Variants in KIAA1217 observed in about 807,000 individuals in gnomAD.
The protein encoded by KIAA1217 is sickle tail protein homolog.
KIAA1217 carries 88 observed loss-of-function variants against 163.9 expected under a neutral mutation model. That is an observed-to-expected ratio of 0.54 (90% CI 0.45 to 0.64). The LOEUF (loss-of-function observed/expected upper bound fraction) is 0.64, where lower values mean the gene tolerates loss of function less well. Ranked by LOEUF, KIAA1217 falls within the 30% of genes least tolerant of loss-of-function variation. The pLI is 0.00. For synonymous variants in KIAA1217, 903 were observed against 923.1 expected (o/e 0.98, Z 0.39); for missense variants, 2,372 against 2,475.0 (o/e 0.96, Z 0.88).
chr10:24,327,964 T>G (rs1204195427), intron 2 of KIAA1217, among the ~76,000 whole-genome samples: 1 of 152,156 alleles, frequency 6.6e-6, no homozygotes, highest in Non-Finnish European at 1.5e-5. Context: ...TATGCAGTCA[T>G]GCTTCACCCT....
intron 10 of KIAA1217, among the ~76,000 whole-genome samples, chr10:24,518,777 T>G (rs2070619068): frequency 6.6e-6 from 1 of 152,240 alleles, no homozygotes; most frequent in Non-Finnish European, 1.5e-5. Context: ...CCCGTGGGTG[T>G]GTTCACAGAA....
intron 2 of KIAA1217, among the ~76,000 whole-genome samples, chr10:24,270,272 C>T (rs574011591): frequency 6.6e-6 from 1 of 152,328 alleles, no homozygotes; most frequent in African/African-American, 2.4e-5. Context: ...TCACTGAACA[C>T]TGTCTCATCC....
At chr10:23,823,819 A>T (rs567528842) in intron 1 of KIAA1217, among the ~76,000 whole-genome samples, 1 of 152,278 alleles carries the variant, frequency 6.6e-6, no homozygotes, top group South Asian at 2.1e-4. Flanking sequence ...GGGAATATGA[A>T]ATCTAGAAGG....
chr10:23,888,877 C>T (rs1841300621), intron 1 of KIAA1217, among the ~76,000 whole-genome samples: 1 of 151,886 alleles, frequency 6.6e-6, no homozygotes, highest in Non-Finnish European at 1.5e-5. Context: ...TAGCAACCAA[C>T]CGATCTGACA....
chr10:24,050,952 G>A (rs1849459077), intron 2 of KIAA1217, among the ~76,000 whole-genome samples: 1 of 151,840 alleles, frequency 6.6e-6, no homozygotes, highest in African/African-American at 2.4e-5. Flanking sequence ...TTATTTTGGG[G>A]GAACAGTTAG....
In KIAA1217 at chr10:24,501,369, T is replaced by C; in HGVS notation, c.1835-10T>C. The C allele has an allele frequency of 6.2e-7, 1 of 1,601,332 alleles. No homozygotes were observed. Among genetic ancestry groups the C allele is most frequent in the Non-Finnish European group, 8.5e-7 (1 of 1,169,870 alleles). On this transcript the variant is annotated splice_polypyrimidine_tract_variant and intron_variant, in intron 8 of 20. Coordinates refer to ENST00000376454, the MANE Select transcript of KIAA1217 (RefSeq NM_019590.5). Reference sequence around the variant, plus strand: ...GGCCTTCTGAGTTCTCTGATGCACTTTTCTCATAGGAACGCCCCATGTGTC... The same window carrying C: ...GGCCTTCTGAGTTCTCTGATGCACTCTTCTCATAGGAACGCCCCATGTGTC...
At chr10:24,349,878 T>C (rs2048242523) in intron 2 of KIAA1217, among the ~76,000 whole-genome samples, 1 of 152,144 alleles carries the variant, frequency 6.6e-6, no homozygotes, top group Non-Finnish European at 1.5e-5. Flanking sequence ...TAAGCAGTAA[T>C]GAAAAGCTTG....
chr10:23,779,417 C>G (rs1835155429), intron 1 of KIAA1217, among the ~76,000 whole-genome samples: 1 of 152,194 alleles, frequency 6.6e-6, no homozygotes, highest in Admixed American at 6.5e-5. Flanking sequence ...CCTCTTTAAG[C>G]TAGCTATTAT....
intron 2 of KIAA1217, among the ~76,000 whole-genome samples, chr10:24,220,209 T>C (rs2069389612): frequency 6.6e-6 from 1 of 152,088 alleles, no homozygotes; most frequent in African/African-American, 2.4e-5. Context: ...CAAACACATC[T>C]AAACACATCT....
In KIAA1217 at chr10:24,543,925, C is replaced by T. The variant is rs1417674957; in HGVS notation, c.4655C>T (p.Pro1552Leu). The T allele has an allele frequency of 1.2e-6, 2 of 1,614,048 alleles. No homozygotes were observed. Among genetic ancestry groups the T allele is most frequent in the Non-Finnish European group, 1.7e-6 (2 of 1,180,010 alleles). ...ELNKFSHVDS[P>L]NSECKGEDAT... is the part of the protein sequence containing the mutation. ...AACAAGTTCAGCCACGTGGATTCTC[C>T]AAATTCGGAATGCAAGGGTGAGGAC... is the stretch of plus-strand genomic sequence containing the variant. Residue 1552 changes from proline (P) to leucine (L), a missense_variant, in exon 19 of 21, where the codon CCA becomes CTA. By Grantham distance (98) the Pro-to-Leu change is moderately conservative. Transcript: ENST00000376454.
intron 1 of KIAA1217, among the ~76,000 whole-genome samples, chr10:23,822,765 C>G (rs527461644): frequency 2.8e-4 from 42 of 152,194 alleles, no homozygotes; most frequent in African/African-American, 9.9e-4. Flanking sequence ...CAGAGTTTTT[C>G]CCACAGAGTT....
At chr10:24,247,685 C>T (rs2073981030) in intron 2 of KIAA1217, among the ~76,000 whole-genome samples, 1 of 151,978 alleles carries the variant, frequency 6.6e-6, no homozygotes, top group Non-Finnish European at 1.5e-5. Flanking sequence ...CCTGTAGTCC[C>T]AGCTACTCAG....
At chr10:24,269,475 G>A (rs2076570662) in intron 2 of KIAA1217, among the ~76,000 whole-genome samples, 1 of 152,172 alleles carries the variant, frequency 6.6e-6, no homozygotes, top group Non-Finnish European at 1.5e-5. Context: ...TGTGAGCCAT[G>A]ACCGTGCCAC....
intron 2 of KIAA1217, among the ~76,000 whole-genome samples, chr10:24,175,027 T>TC (rs1194677126): frequency 6.6e-6 from 1 of 151,212 alleles, no homozygotes; most frequent in Non-Finnish European, 1.5e-5. Flanking sequence ...TGGCTAATTT[T>TC]TTTTTTTTAT....
chr10:24,432,826 A>C (rs2059710469), intron 3 of KIAA1217, among the ~76,000 whole-genome samples, 169 bp from the exon 4 acceptor site: 1 of 152,188 alleles, frequency 6.6e-6, no homozygotes, highest in Non-Finnish European at 1.5e-5. Flanking sequence ...TACTTACACA[A>C]TAACCAAACA....
chr10:23,696,443 G>C (rs1417366846), intron 1 of KIAA1217, among the ~76,000 whole-genome samples: 1 of 152,250 alleles, frequency 6.6e-6, no homozygotes, highest in Non-Finnish European at 1.5e-5. Flanking sequence ...ACACTTCGGA[G>C]AGAGAGGGAG....
chr10:23,815,044 C>T (rs937646564), intron 1 of KIAA1217, among the ~76,000 whole-genome samples: 1 of 152,166 alleles, frequency 6.6e-6, no homozygotes. Flanking sequence ...TCTCTAACTA[C>T]ATCTTTCCAA....
At chr10:24,061,943 T>A (rs1310051132) in intron 2 of KIAA1217, among the ~76,000 whole-genome samples, 1 of 152,150 alleles carries the variant, frequency 6.6e-6, no homozygotes, top group Non-Finnish European at 1.5e-5. Flanking sequence ...TGAGAATCTT[T>A]CAACCATTAT....
At chr10:24,251,074 A>C (rs1353508793) in intron 2 of KIAA1217, among the ~76,000 whole-genome samples, 1 of 151,902 alleles carries the variant, frequency 6.6e-6, no homozygotes, top group Non-Finnish European at 1.5e-5. Flanking sequence ...AAAAATACAA[A>C]AAATAGCTGG....
Sources: gnomAD v4.1 joint callset for allele counts (sites outside exome capture counted in the v4.1 genomes callset) on GRCh38, gnomAD v4.1.1 for gene constraint, MANE v1.5 for transcripts, NCBI Gene and HGNC (gene_info 2026-07-23, HGNC 2026-07-21) for gene names.